SGCB: variants seen among roughly 807,000 people sequenced by gnomAD.
SGCB encodes beta-sarcoglycan.
SGCB carries 25 observed loss-of-function variants against 27.3 expected under a neutral mutation model. That is an observed-to-expected ratio of 0.92 (90% confidence interval 0.67 to 1.28). The LOEUF (loss-of-function observed/expected upper bound fraction) is 1.28. Ranked by LOEUF, SGCB falls within the 50% of genes most tolerant of loss-of-function variation. The probability of loss-of-function intolerance (pLI) is 0.00; values close to 1 mark genes in which losing one functional copy is unlikely to be tolerated. For synonymous variants in SGCB, 147 were observed against 133.5 expected, an observed-to-expected ratio of 1.10 and a Z score of -0.70; for missense variants, 436 against 402.1, an observed-to-expected ratio of 1.08 and a Z score of -0.72.
chr4:52,027,858 G>GT (rs2109369770), intron 5 of SGCB, 110 bp downstream of exon 5: 3 of 1,054,818 alleles, frequency 2.8e-6, no homozygotes, highest in Non-Finnish European at 2.8e-6. Context: ...ATCTTTCCAT[G>GT]TCAAAAAATA....
chr4:52,038,254 C>T lies in SGCB; in HGVS notation c.6G>A (p.Ala2=). Residue 2 remains alanine (A), a synonymous_variant, in exon 1 of 6, where the codon GCG becomes GCA. Transcript: ENST00000381431. The stretch of plus-strand genomic sequence containing the variant: ...GTTCTGCAGCCGCCGCCGCCGCTGC[C>T]GCCATCTTCCCGCGCCCGCCGCCGC... M[A]AAAAAAAEQQ... is the part of the protein sequence containing the mutation. 3.1e-6 allele frequency: 4 copies of T among 1,297,962 alleles called. No homozygotes were observed. The highest frequency in any genetic ancestry group is 3.9e-6 in the Non-Finnish European group (4 of 1,019,972). 80.4% of individuals were successfully genotyped at this position (1,297,962 alleles called of 1,614,324 possible).
At chr4:52,030,885 A>G (rs1299510051) in intron 2 of SGCB, among the ~76,000 whole-genome samples, 1 of 152,168 alleles carries the variant, frequency 6.6e-6, no homozygotes, top group Non-Finnish European at 1.5e-5. Flanking sequence ...ACGTCTTTAT[A>G]ATGCTTCATA....
intron 2 of SGCB, among the ~76,000 whole-genome samples, chr4:52,031,406 ATGTGTGTGTG>A (rs57599198): frequency 1.4e-3 from 203 of 142,814 alleles, no homozygotes; most frequent in African/African-American, 4.2e-3. Context: ...GTGTGTGTGT[ATGTGTGTGTG>A]TGTGTGTGTG....
In SGCB at chr4:52,023,942, A is replaced by G. The variant is rs1314031703; in HGVS notation, c.*15T>C. Reference sequence around the variant, plus strand: ...AAGTCAAGATATAAACATGTTGGTGACCTCTGGGGTTCTTTTAATGAGTGT... The same window carrying G: ...AAGTCAAGATATAAACATGTTGGTGGCCTCTGGGGTTCTTTTAATGAGTGT... On this transcript the variant is annotated 3_prime_UTR_variant, in exon 6 of 6. Coordinates refer to ENST00000381431, the MANE Select transcript of SGCB (RefSeq NM_000232.5). 6.2e-7 allele frequency: 1 copy of G among 1,607,616 alleles called. No individual in the cohort carries two copies. The highest frequency in any genetic ancestry group is 8.5e-7 in the Non-Finnish European group (1 of 1,174,228).
intron 2 of SGCB, chr4:52,031,886 A>G (rs1737255660): frequency 2.2e-6 from 1 of 455,892 alleles, no homozygotes; most frequent in African/African-American, 2.0e-5. Flanking sequence ...AAATGACAGT[A>G]TCTTCAGATC....
intron 1 of SGCB, among the ~76,000 whole-genome samples, chr4:52,036,761 A>C (rs1268391666): frequency 3.9e-5 from 6 of 152,136 alleles, no homozygotes; most frequent in African/African-American, 1.4e-4. Context: ...GGGAAAAGAA[A>C]ATGTGGGGCT....
intron 4 of SGCB, 134 bp from the exon 5 acceptor site, chr4:52,028,233 G>A: frequency 1.4e-6 from 1 of 697,260 alleles, no homozygotes. Context: ...TAGAGATGTG[G>A]AAATTGAGAT....
rs1737149800 is a variant in SGCB, at chr4:52,028,114, A to C, written c.622-15T>G. 1 of 1,591,932 alleles carries C rather than the reference A, an allele frequency of 6.3e-7. No homozygotes were observed. Among genetic ancestry groups the C allele is most frequent in the South Asian group, 1.1e-5 (1 of 90,518 alleles). ...TTGCTGGTAATCTGAAAATTTAAAA[A>C]ACAAGTACTAAAAAGAGTTTCTAAA... On this transcript the variant is annotated splice_polypyrimidine_tract_variant and intron_variant, in intron 4 of 5. Coordinates refer to ENST00000381431, the MANE Select transcript of SGCB (RefSeq NM_000232.5).
chr4:52,028,758 A>T lies in SGCB; in HGVS notation c.593T>A (p.Leu198Ter), dbSNP rs1434110900. 1 of 1,613,744 alleles carries T rather than the reference A, an allele frequency of 6.2e-7. No homozygotes were observed. The highest frequency in any genetic ancestry group is 8.5e-7 in the Non-Finnish European group (1 of 1,179,682). Residue 198 changes from leucine (L) to a stop codon, truncating the protein, a stop_gained, in exon 4 of 6, where the codon TTG (leucine) becomes TAG (stop). Coordinates refer to ENST00000381431, the MANE Select transcript of SGCB (RefSeq NM_000232.5). LOFTEE classifies it high-confidence loss of function. Reference protein sequence around the residue: ...EFHLPSGVKSLNVQKASTERI... With the variant: ...EFHLPSGVKS Reference sequence around the variant, plus strand: ...TTCAGTAGATGCCTTTTGAACATTCAAACTTTTCACTCCACTTGGCAAATG... The same window carrying T: ...TTCAGTAGATGCCTTTTGAACATTCTAACTTTTCACTCCACTTGGCAAATG...
In SGCB at chr4:52,023,291, T is replaced by C. The variant is rs1406408891; in HGVS notation, c.*666A>G. 2 of 152,516 alleles carry C rather than the reference T, an allele frequency of 1.3e-5. No individual in the cohort carries two copies. The highest frequency in any genetic ancestry group is 2.4e-5 in the African/African-American group (1 of 41,448). The allele number at this position is 152,516 out of a possible 1,614,324, so 9.4% of individuals were successfully genotyped here. Reference sequence around the variant, plus strand: ...GGATGTAGAAGATGCTCAATAAAGATAGTTATCATTATTATTTAAAAGTTA... The same window carrying C: ...GGATGTAGAAGATGCTCAATAAAGACAGTTATCATTATTATTTAAAAGTTA... On this transcript the variant is annotated 3_prime_UTR_variant, in exon 6 of 6. Transcript: ENST00000381431.
chr4:52,030,686 TG>T (rs1737223999), intron 2 of SGCB, among the ~76,000 whole-genome samples: 1 of 152,196 alleles, frequency 6.6e-6, no homozygotes, highest in Admixed American at 6.5e-5. Flanking sequence ...CTGGTCTGTA[TG>T]GGCCCCCTGC....
chr4:52,027,847 C>T (rs1737140732), intron 5 of SGCB, 121 bp downstream of exon 5: 1 of 934,438 alleles, frequency 1.1e-6, no homozygotes. Context: ...CCACTTTGAA[C>T]ATCTTTCCAT....
At chr4:52,038,100 G>GGC in intron 1 of SGCB, 127 bp downstream of exon 1, 14 of 514,456 alleles carry the variant, frequency 2.7e-5, no homozygotes, top group Non-Finnish European at 3.5e-5. Flanking sequence ...GCCCCGATCG[G>GGC]CCCCGCCGAA....
rs1465691919 is a variant in SGCB, at chr4:52,033,421, A to C, written c.243+10T>G. 1 of 1,553,614 alleles carries C rather than the reference A, an allele frequency of 6.4e-7. No homozygotes were observed. On this transcript the variant is annotated intron_variant, in intron 2 of 5. Transcript: ENST00000381431. ...TGGCAATTAAAATGAGTATTCTTAC[A>C]AATACTCACTATTAAATTGATGACA...
At chr4:52,038,157 C>G (rs1284570638) in intron 1 of SGCB, 70 bp downstream of exon 1, 2 of 1,159,010 alleles carry the variant, frequency 1.7e-6, no homozygotes, top group Non-Finnish European at 2.1e-6. Context: ...CCAGGGCTCC[C>G]GCGGGCCCAG....
chr4:52,028,434 G>A (rs1045698290), intron 4 of SGCB, among the ~76,000 whole-genome samples: 10 of 152,024 alleles, frequency 6.6e-5, no homozygotes, highest in Non-Finnish European at 1.0e-4. Flanking sequence ...TCAGGAGATC[G>A]AGACCATCCT....
rs115928999 is a variant in SGCB at position 52,033,582 on chromosome 4, C to A, written c.92G>T (p.Ser31Ile). ...GTTACTGTTGTGCTCTTTATTGACA[C>A]TCCTTCTCTCAACAGCCTTCTCACG... The part of the protein sequence containing the change: ...SMREKAVERR[S>I]VNKEHNSNFK... The change falls in exon 2 of 6, where the codon AGT becomes ATT. Residue 31 changes from serine (S) to isoleucine (I), a missense_variant. Coordinates refer to ENST00000381431, the MANE Select transcript of SGCB (RefSeq NM_000232.5). 695 of 1,613,948 alleles carry A rather than the reference C, an allele frequency of 4.3e-4. 2 individuals are homozygous for A. In the African/African-American group the frequency reaches 8.3e-3, roughly 19 times the overall value.
intron 4 of SGCB, 128 bp from the exon 5 acceptor site, chr4:52,028,227 G>A (rs1432633872): frequency 1.4e-6 from 1 of 729,786 alleles, no homozygotes; most frequent in East Asian, 2.7e-5. Flanking sequence ...ATGTTTTAGA[G>A]ATGTGGAAAT....
Position 52,029,853 on chromosome 4 carries a change from A to T in SGCB, c.254T>A (p.Val85Asp). Residue 85 changes from valine to aspartate, a missense_variant, in exon 3 of 6, where the codon GTT becomes GAT. Val to Asp is a radical substitution (Grantham distance 152). Transcript: ENST00000381431. Reference protein sequence around the residue: ...LAVINLIITLVIWAVIRIGPN... With the variant: ...LAVINLIITLDIWAVIRIGPN... ...TCCAATGCGAATCACGGCCCAAATA[A>T]CAAGTGTTATCTGAAAAAGAACACA... 1 of 1,613,468 alleles carries T rather than the reference A, an allele frequency of 6.2e-7. No individual in the cohort carries two copies. The highest frequency in any genetic ancestry group is 8.5e-7 in the Non-Finnish European group (1 of 1,179,400).
Sources: gnomAD v4.1 joint callset for allele counts (sites outside exome capture counted in the v4.1 genomes callset) on GRCh38, gnomAD v4.1.1 for gene constraint, MANE v1.5 for transcripts, NCBI Gene and HGNC (gene_info 2026-07-23, HGNC 2026-07-21) for gene names.